Variants in GABRP observed in about 807,000 individuals in gnomAD.
GABRP encodes the protein gamma-aminobutyric acid receptor subunit pi.
In GABRP, 52 loss-of-function variants were observed where a neutral mutation model predicts 47.8. The observed-to-expected ratio is 1.09, with a 90% CI of 0.87 to 1.37. The LOEUF (loss-of-function observed/expected upper bound fraction) is 1.37. GABRP is among the 40% of genes most tolerant of loss of function. The pLI is 0.00. For synonymous variants in GABRP, 221 were observed against 205.8 expected, an observed-to-expected ratio of 1.07 and a Z score of -0.63; for missense variants, 525 against 542.8, an observed-to-expected ratio of 0.97 and a Z score of 0.33.
chr5:170,804,375 AC>A (rs1765673615), intron 6 of GABRP, among the ~76,000 whole-genome samples: 1 of 152,104 alleles, frequency 6.6e-6, no homozygotes, highest in Non-Finnish European at 1.5e-5. Flanking sequence ...TTGGACAGAT[AC>A]CTAGGAGTGG....
intron 9 of GABRP, among the ~76,000 whole-genome samples, chr5:170,810,763 G>A (rs997590118): frequency 6.6e-6 from 1 of 152,136 alleles, no homozygotes; most frequent in African/African-American, 2.4e-5. Context: ...CAAAGATCCA[G>A]TTGCTTTTTC....
chr5:170,786,946 G>A (rs1010018692), intron 1 of GABRP, among the ~76,000 whole-genome samples: 1 of 152,128 alleles, frequency 6.6e-6, no homozygotes, highest in African/African-American at 2.4e-5. Context: ...TATTTCTGAA[G>A]TATGAGACAA....
chr5:170,790,127 C>T (rs1330733788), intron 3 of GABRP, among the ~76,000 whole-genome samples: 1 of 152,190 alleles, frequency 6.6e-6, no homozygotes, highest in African/African-American at 2.4e-5. Flanking sequence ...CAGTGCGTGA[C>T]ATATAACAAA....
At chr5:170,793,527 A>G (rs1398936778) in intron 3 of GABRP, among the ~76,000 whole-genome samples, 2 of 152,240 alleles carry the variant, frequency 1.3e-5, no homozygotes, top group Non-Finnish European at 2.9e-5. Context: ...GTAAAGGAAG[A>G]GAAGCAAAGT....
chr5:170,796,869 C>T (rs778068401), intron 5 of GABRP, among the ~76,000 whole-genome samples: 3 of 152,192 alleles, frequency 2.0e-5, no homozygotes, highest in Non-Finnish European at 4.4e-5. Flanking sequence ...AAGATAGAGG[C>T]CTGGTGAATG....
intron 2 of GABRP, among the ~76,000 whole-genome samples, 171 bp downstream of exon 2, chr5:170,788,839 C>T (rs1265175904): frequency 2.0e-5 from 3 of 152,218 alleles, no homozygotes; most frequent in Non-Finnish European, 4.4e-5. Context: ...ATTTACAGAA[C>T]ACAAGCTTCC....
intron 7 of GABRP, among the ~76,000 whole-genome samples, chr5:170,806,833 G>A (rs1339263278): frequency 1.3e-5 from 2 of 152,112 alleles, no homozygotes; most frequent in Admixed American, 1.3e-4. Context: ...TAAAGGGTAT[G>A]TATAGAGAAA....
At chr5:170,802,957 A>G (rs963472231) in intron 6 of GABRP, among the ~76,000 whole-genome samples, 3 of 152,222 alleles carry the variant, frequency 2.0e-5, no homozygotes, top group Non-Finnish European at 4.4e-5. Context: ...ATACCATCCC[A>G]CAGTTTTCCT....
At position 170,792,020 on chromosome 5, in the gene GABRP, G is replaced by A. The variant is rs138518489; in HGVS notation, c.173-2211G>A. On this transcript the variant is annotated intron_variant, in intron 3 of 9. Coordinates refer to ENST00000265294, the MANE Select transcript of GABRP (RefSeq NM_014211.3). ...TATCATGGCACCAGTTCCACCATGA[G>A]GCTTAATCACCTCTTAAGGGTCCTA... is the stretch of plus-strand genomic sequence containing the variant. 1.1e-3 allele frequency among the ~76,000 whole-genome samples: 162 copies of A among 152,266 alleles called. 1 individual carries two copies. The highest frequency in any genetic ancestry group is 3.8e-4 in the Non-Finnish European group (26 of 68,010).
chr5:170,804,267 A>AT (rs1007230675), intron 6 of GABRP, among the ~76,000 whole-genome samples: 8 of 151,966 alleles, frequency 5.3e-5, no homozygotes, highest in African/African-American at 1.7e-4. Context: ...TTGATTCATC[A>AT]GTTGATGAAC....
intron 4 of GABRP, 147 bp downstream of exon 4, chr5:170,794,445 T>C (rs376294875): frequency 3.3e-5 from 15 of 458,946 alleles, no homozygotes; most frequent in African/African-American, 2.0e-4. Flanking sequence ...GCTGGAGTGC[T>C]ATCTCCAAAC....
Position 170,795,335 on chromosome 5 carries a change from T to A in GABRP, c.368T>A (p.Val123Glu). ...CTCTGGGTGCCAGATACTTACATTGTGGAGTCCAAGAAGTCCTTCCTCCAT... is the reference window on the plus strand; with the variant it reads ...CTCTGGGTGCCAGATACTTACATTGAGGAGTCCAAGAAGTCCTTCCTCCAT... ...EFLWVPDTYI[V>E]ESKKSFLHEV... Residue 123 changes from valine (V) to glutamate (E), a missense_variant, in exon 5 of 10, where the codon GTG (valine) becomes GAG (glutamate). By Grantham distance (121) the Val-to-Glu change is moderately radical. Coordinates refer to ENST00000265294, the MANE Select transcript of GABRP (RefSeq NM_014211.3). 1 of 1,614,048 alleles carries A rather than the reference T, an allele frequency of 6.2e-7. No individual in the cohort carries two copies. Among genetic ancestry groups the A allele is most frequent in the Non-Finnish European group, 8.5e-7 (1 of 1,180,016 alleles).
In GABRP at chr5:170,808,747, G is replaced by A. The variant is rs1242217749; in HGVS notation, c.827G>A (p.Cys276Tyr). 6.2e-7 allele frequency: 1 copy of A among 1,613,730 alleles called. No homozygotes were observed. The highest frequency in any genetic ancestry group is 1.1e-5 in the South Asian group (1 of 91,008). Residue 276 changes from cysteine (C) to tyrosine (Y), a missense_variant, in exon 8 of 10, where the codon TGC becomes TAC. Cys to Tyr is a radical substitution (Grantham distance 194). Transcript: ENST00000265294. The part of the protein sequence containing the change: ...ISLDSVPART[C>Y]IGVTTVLSMT... ...CTCGATTCAGTCCCTGCAAGAACCTGCATTGGTAAGCAGCTCCAACAGGAG... is the reference window on the plus strand; with the variant it reads ...CTCGATTCAGTCCCTGCAAGAACCTACATTGGTAAGCAGCTCCAACAGGAG...
intron 9 of GABRP, 89 bp from the exon 10 acceptor site, chr5:170,811,867 A>T: frequency 8.5e-7 from 1 of 1,177,352 alleles, no homozygotes; most frequent in Non-Finnish European, 1.2e-6. Context: ...TTCAACACTT[A>T]GGCCTCTAAA....
Position 170,808,590 on chromosome 5 carries a change from AC to A in GABRP, c.680-7del. On this transcript the variant is annotated splice_polypyrimidine_tract_variant and intron_variant, in intron 7 of 9. Transcript: ENST00000265294. ...AGACACAATTTCCTATCTGTTGTTT[AC>A]CCTTTCAGGAAATTACACTAGATTG... 1.2e-6 allele frequency: 2 copies of A among 1,612,326 alleles called. No individual in the cohort carries two copies. Among genetic ancestry groups the A allele is most frequent in the Non-Finnish European group, 1.7e-6 (2 of 1,178,836 alleles).
intron 1 of GABRP, 33 bp from the exon 2 acceptor site, chr5:170,788,541 G>A (rs1277125185): frequency 7.5e-6 from 11 of 1,468,522 alleles, no homozygotes; most frequent in East Asian, 6.8e-5. Flanking sequence ...CCTGTTGCAC[G>A]GCCTTCCACT....
intron 3 of GABRP, among the ~76,000 whole-genome samples, chr5:170,790,678 C>T (rs140646375): frequency 7.0e-4 from 106 of 152,164 alleles, no homozygotes; most frequent in Admixed American, 6.1e-3. Context: ...GATGGAAGGG[C>T]AGTCCTCAGT....
At chr5:170,804,138 A>G (rs1300331273) in intron 6 of GABRP, among the ~76,000 whole-genome samples, 1 of 151,924 alleles carries the variant, frequency 6.6e-6, no homozygotes, top group Non-Finnish European at 1.5e-5. Flanking sequence ...TATGGCTTGC[A>G]TCAGTACTTT....
chr5:170,786,523 G>A (rs1338736760), intron 1 of GABRP, among the ~76,000 whole-genome samples: 4 of 152,110 alleles, frequency 2.6e-5, no homozygotes, highest in Admixed American at 1.3e-4. Flanking sequence ...AGAATAAGGC[G>A]GATTATAGGA....
Sources: gnomAD v4.1 joint callset for allele counts (sites outside exome capture counted in the v4.1 genomes callset) on GRCh38, gnomAD v4.1.1 for gene constraint, MANE v1.5 for transcripts, NCBI Gene and HGNC (gene_info 2026-07-23, HGNC 2026-07-21) for gene names.